Variants in PKP2 observed in about 807,000 individuals in gnomAD.
PKP2 encodes plakophilin 2.
A neutral mutation model predicts 83.4 loss-of-function variants in PKP2; 73 were observed. That is an observed-to-expected ratio of 0.88 (90% CI 0.72 to 1.06). The LOEUF (loss-of-function observed/expected upper bound fraction) is 1.06, where lower values mean the gene tolerates loss of function less well. Ranked by LOEUF, PKP2 falls within the 50% of genes least tolerant of loss-of-function variation. PKP2 has a pLI of 0.00. For missense variants in PKP2, 966 were observed against 1,065.4 expected, an observed-to-expected ratio of 0.91 and a Z score of 1.30; for synonymous variants, 409 against 430.4, an observed-to-expected ratio of 0.95 and a Z score of 0.62.
intron 10 of PKP2, among the ~76,000 whole-genome samples, chr12:32,796,653 C>A (rs1003622691): frequency 1.3e-5 from 2 of 152,144 alleles, no homozygotes; most frequent in Admixed American, 1.3e-4. Context: ...CCAGCCTCGG[C>A]CTCCCAAAGT....
intron 9 of PKP2, among the ~76,000 whole-genome samples, chr12:32,817,427 T>C (rs1293368101): frequency 6.6e-6 from 1 of 152,240 alleles, no homozygotes; most frequent in Admixed American, 6.5e-5. Flanking sequence ...ATTAAGTCTC[T>C]TGTCCATTTA....
intron 3 of PKP2, among the ~76,000 whole-genome samples, chr12:32,875,595 A>G (rs1956924271): frequency 6.6e-6 from 1 of 152,194 alleles, no homozygotes; most frequent in Non-Finnish European, 1.5e-5. Flanking sequence ...TCACATGTGG[A>G]AAGATAATTC....
intron 10 of PKP2, among the ~76,000 whole-genome samples, chr12:32,801,891 T>C (rs1956182827): frequency 6.6e-6 from 1 of 152,342 alleles, no homozygotes; most frequent in South Asian, 2.1e-4. Flanking sequence ...AAATTTGCTA[T>C]ATTCAGTGAC....
chr12:32,849,538 T>C (rs1249791921), intron 5 of PKP2, among the ~76,000 whole-genome samples: 2 of 152,242 alleles, frequency 1.3e-5, no homozygotes, highest in East Asian at 1.9e-4. Context: ...CTCTTTGTAC[T>C]GTGTGCAGGG....
intron 5 of PKP2, among the ~76,000 whole-genome samples, chr12:32,843,482 A>C: frequency 6.6e-6 from 1 of 152,212 alleles, no homozygotes; most frequent in Admixed American, 6.5e-5. Context: ...TGGTCCAACC[A>C]ATTAGAACAC....
At chr12:32,843,437 G>A (rs1956619083) in intron 5 of PKP2, 1 of 643,464 alleles carries the variant, frequency 1.6e-6, no homozygotes, top group Admixed American at 2.0e-5. Flanking sequence ...AGCCTGTATA[G>A]TTAAAGCTTG....
chr12:32,809,042 T>C (rs1483225020), intron 9 of PKP2, among the ~76,000 whole-genome samples: 4 of 152,212 alleles, frequency 2.6e-5, no homozygotes, highest in East Asian at 1.9e-4. Flanking sequence ...AGTCTGGCTG[T>C]AGAGCAGGTG....
In PKP2 at chr12:32,878,022, G is replaced by A; in HGVS notation, c.858C>T (p.Ser286=). The change falls in exon 3 of 13, where the codon TCC becomes TCT. Residue 286 remains serine, a synonymous_variant. Coordinates refer to ENST00000340811, the MANE Select transcript of PKP2 (RefSeq NM_001005242.3). ...PLQPVTQNRA[S]RSSWHQSSFH... ...AGGAGCTCTGATGCCAGGAGGACCT[G>A]GAAGCCCTGTTCTGAGTGACGGGCT... 6.2e-7 allele frequency: 1 copy of A among 1,613,976 alleles called. No individual in the cohort carries two copies. Among genetic ancestry groups the A allele is most frequent in the Non-Finnish European group, 8.5e-7 (1 of 1,180,038 alleles).
chr12:32,881,462 A>G (rs1257981870), intron 1 of PKP2, among the ~76,000 whole-genome samples: 1 of 152,136 alleles, frequency 6.6e-6, no homozygotes, highest in Admixed American at 6.6e-5. Flanking sequence ...GAGTCTCGCT[A>G]TGTTGCCCAG....
intron 1 of PKP2, among the ~76,000 whole-genome samples, chr12:32,883,095 G>C (rs753233586): frequency 6.6e-6 from 1 of 152,200 alleles, no homozygotes; most frequent in Non-Finnish European, 1.5e-5. Flanking sequence ...AATGAACTGA[G>C]GCTGTTTTAA....
At chr12:32,891,538 A>G (rs994745503) in intron 1 of PKP2, among the ~76,000 whole-genome samples, 1 of 152,220 alleles carries the variant, frequency 6.6e-6, no homozygotes, top group Admixed American at 6.5e-5. Context: ...TAAAGTTGCT[A>G]TCTAAAACTT....
intron 11 of PKP2, among the ~76,000 whole-genome samples, chr12:32,794,601 G>A (rs1335157632): frequency 6.6e-6 from 1 of 152,206 alleles, no homozygotes; most frequent in Non-Finnish European, 1.5e-5. Flanking sequence ...ATTGCCATGT[G>A]CAACAATTGT....
chr12:32,821,049 A>G, intron 9 of PKP2: 1 of 375,332 alleles, frequency 2.7e-6, no homozygotes, highest in Non-Finnish European at 5.1e-6. Flanking sequence ...TCCAGTCACG[A>G]CAGAAAGAAG....
At chr12:32,850,713 C>A in intron 5 of PKP2, 53 bp downstream of exon 5, 1 of 1,324,290 alleles carries the variant, frequency 7.6e-7, no homozygotes, top group Non-Finnish European at 1.1e-6. Context: ...TGATGTAAGG[C>A]ATCTGGCTGG....
rs182850941 is a variant in PKP2 at position 32,839,470 on chromosome 12, C to T, written c.1556+1558G>A. 3.9e-3 allele frequency among the ~76,000 whole-genome samples: 586 copies of T among 150,008 alleles called. 3 individuals are homozygous for T. The highest frequency in any genetic ancestry group is 0.014 in the African/African-American group (565 of 40,744). On this transcript the variant is annotated intron_variant, in intron 6 of 12. Coordinates refer to ENST00000340811, the MANE Select transcript of PKP2 (RefSeq NM_001005242.3). ...TTCTTTGCATTTGCAGGAAATGAGC[C>T]CACTATGAAAAAAGAAGAGCAAGCA...
intron 5 of PKP2, among the ~76,000 whole-genome samples, chr12:32,841,515 C>T (rs1192533749): frequency 1.3e-5 from 2 of 152,210 alleles, no homozygotes; most frequent in African/African-American, 2.4e-5. Flanking sequence ...AAGGGCCCTA[C>T]CACAAAGCTG....
intron 6 of PKP2, among the ~76,000 whole-genome samples, chr12:32,835,564 A>C (rs1053605689): frequency 1.3e-5 from 2 of 152,130 alleles, no homozygotes; most frequent in African/African-American, 4.8e-5. Context: ...AAGAGGAAAA[A>C]AAAGAAAGAA....
intron 3 of PKP2, 141 bp from the exon 4 acceptor site, chr12:32,869,203 A>G: frequency 1.1e-6 from 1 of 922,442 alleles, no homozygotes; most frequent in Non-Finnish European, 1.7e-6. Context: ...CAAAAGAAAA[A>G]TCAGCACCCA....
chr12:32,893,300 A>T (rs1957091734), intron 1 of PKP2: 1 of 152,120 alleles, frequency 6.6e-6, no homozygotes, highest in South Asian at 2.1e-4. Flanking sequence ...TTCTTCCTGG[A>T]ATTTCTTGTG....
Sources: allele counts gnomAD v4.1 joint callset (sites outside exome capture counted in the v4.1 genomes callset), GRCh38; gene constraint gnomAD v4.1.1; transcripts MANE v1.5; gene names NCBI Gene and HGNC (gene_info 2026-07-23, HGNC 2026-07-21).